The following ZNF608 variants were observed in gnomAD, a reference collection of about 807,000 sequenced individuals.
The protein encoded by ZNF608 is renal carcinoma antigen NY-REN-36.
ZNF608 carries 12 observed loss-of-function variants against 109.0 expected under a neutral mutation model. The ratio of observed to expected loss-of-function variants is 0.11; its 90% CI spans 0.07 to 0.18. The LOEUF (loss-of-function observed/expected upper bound fraction) is 0.18. Ranked by LOEUF, ZNF608 falls within the 10% of genes least tolerant of loss-of-function variation. ZNF608 has a pLI of 1.00. For synonymous variants in ZNF608, 732 were observed against 717.4 expected (o/e 1.02, Z -0.33); for missense variants, 1,707 against 1,879.3 (o/e 0.91, Z 1.70).
chr5:124,709,332 C>T (rs12514819), intron 2 of ZNF608, among the ~76,000 whole-genome samples: 27,323 of 152,040 alleles, frequency 0.18, 2,690 homozygotes, highest in Admixed American at 0.27. Context: ...GTGTAAAATA[C>T]GCTTTAAACA....
At chr5:124,694,803 G>A (rs1239590722) in intron 3 of ZNF608, among the ~76,000 whole-genome samples, 3 of 146,476 alleles carry the variant, frequency 2.0e-5, no homozygotes, top group Non-Finnish European at 4.4e-5. Flanking sequence ...TCCCACCTAT[G>A]AGTGAGAACA....
rs756575477 is a variant in ZNF608, at chr5:124,641,273, C to G, written c.4429G>C (p.Gly1477Arg). 7 of 1,613,544 alleles carry G rather than the reference C, an allele frequency of 4.3e-6. No individual in the cohort carries two copies. Among genetic ancestry groups the G allele is most frequent in the African/African-American group, 1.3e-5 (1 of 74,866 alleles). The stretch of plus-strand genomic sequence containing the variant: ...TGACCTTGAAAAGGGTCATATTGAC[C>G]CGGGATTAGCGGGTAACCCATGCCA... ...HVGMGYPLIP[G>R]QYDPFQGLTS... The change falls in exon 8 of 10, where the codon GGT (glycine) becomes CGT (arginine). Residue 1477 changes from glycine to arginine, a missense_variant. Around this residue, in one of 7 missense-constraint regions of ZNF608, gnomAD observed 1,073 missense variants for 1,133.5 expected, o/e 0.95. Coordinates refer to ENST00000513986, the MANE Select transcript of ZNF608 (RefSeq NM_020747.3).
intron 3 of ZNF608, among the ~76,000 whole-genome samples, chr5:124,678,661 T>C (rs1455456112): frequency 6.6e-6 from 1 of 152,160 alleles, no homozygotes; most frequent in East Asian, 1.9e-4. Context: ...TGTTAGTTGA[T>C]GTGTGTTTCC....
chr5:124,678,986 G>C (rs776398202), intron 3 of ZNF608, among the ~76,000 whole-genome samples: 5 of 152,158 alleles, frequency 3.3e-5, no homozygotes, highest in African/African-American at 1.2e-4. Flanking sequence ...ACATGAAGGA[G>C]CAAGAAAACA....
intron 2 of ZNF608, among the ~76,000 whole-genome samples, chr5:124,735,824 G>A (rs1267459768): frequency 6.6e-6 from 1 of 152,116 alleles, no homozygotes; most frequent in Non-Finnish European, 1.5e-5. Flanking sequence ...CCCTTTTGGG[G>A]GCAGAAACAA....
chr5:124,715,670 G>A (rs1426064377), intron 2 of ZNF608, among the ~76,000 whole-genome samples: 1 of 152,018 alleles, frequency 6.6e-6, no homozygotes, highest in Non-Finnish European at 1.5e-5. Flanking sequence ...ATACATGTAC[G>A]TATACTGCTT....
At chr5:124,701,902 T>C (rs892876934) in intron 2 of ZNF608, among the ~76,000 whole-genome samples, 3 of 152,248 alleles carry the variant, frequency 2.0e-5, no homozygotes, top group Non-Finnish European at 4.4e-5. Context: ...GATAAATGCA[T>C]GTGCCCAACA....
rs1752476128 is a variant in ZNF608 at position 124,688,197 on chromosome 5, CACTTGGGAGA to C, written c.1162+12807_1162+12816del. On this transcript the variant is annotated intron_variant, in intron 3 of 9. Coordinates refer to ENST00000513986, the MANE Select transcript of ZNF608 (RefSeq NM_020747.3). ...TTTAAAAGTATCTTTTAACTTCCTT[CACTTGGGAGA>C]AAAAGAGCTGTAAGAGTCATTCTAG... 3.9e-5 allele frequency among the ~76,000 whole-genome samples: 6 copies of C among 152,150 alleles called. No individual in the cohort carries two copies. In the South Asian group the frequency reaches 1.2e-3, roughly 32 times the overall value.
intron 6 of ZNF608, among the ~76,000 whole-genome samples, 191 bp downstream of exon 6, chr5:124,644,053 T>C (rs561395640): frequency 6.6e-6 from 1 of 152,226 alleles, no homozygotes; most frequent in Non-Finnish European, 1.5e-5. Context: ...ATGGAAACTA[T>C]GGCTGAGGAT....
intron 3 of ZNF608, among the ~76,000 whole-genome samples, chr5:124,679,433 C>T (rs13163583): frequency 1.0e-4 from 15 of 150,310 alleles, no homozygotes; most frequent in African/African-American, 3.7e-4. Flanking sequence ...CCCTCCCTCC[C>T]TCCTTCCTTC....
At chr5:124,662,945 T>C (rs1281869986) in intron 3 of ZNF608, among the ~76,000 whole-genome samples, 1 of 152,210 alleles carries the variant, frequency 6.6e-6, no homozygotes, top group Admixed American at 6.5e-5. Flanking sequence ...ACTTGGGGGT[T>C]GCCACCTGGA....
intron 3 of ZNF608, among the ~76,000 whole-genome samples, chr5:124,660,830 G>T (rs1751228060): frequency 6.6e-6 from 1 of 152,188 alleles, no homozygotes; most frequent in Non-Finnish European, 1.5e-5. Context: ...CAGGTCATAA[G>T]CTGAAGAATG....
At chr5:124,650,631 G>A (rs898909079) in intron 3 of ZNF608, among the ~76,000 whole-genome samples, 4 of 152,146 alleles carry the variant, frequency 2.6e-5, no homozygotes, top group Admixed American at 6.5e-5. Context: ...TTTCTGAGAG[G>A]ACAAATGCCA....
At chr5:124,697,224 CAAAAA>C (rs5871099) in intron 3 of ZNF608, among the ~76,000 whole-genome samples, 2 of 111,628 alleles carry the variant, frequency 1.8e-5, no homozygotes, top group Admixed American at 8.8e-5. Flanking sequence ...CAGGTAAGGC[CAAAAA>C]AAAAAAAAAA....
At chr5:124,713,776 A>G (rs1753590931) in intron 2 of ZNF608, among the ~76,000 whole-genome samples, 1 of 152,110 alleles carries the variant, frequency 6.6e-6, no homozygotes, top group African/African-American at 2.4e-5. Flanking sequence ...GTTGGTGGAG[A>G]GGGGGAGGGG....
chr5:124,745,102 C>G lies in ZNF608; in HGVS notation c.-113G>C, dbSNP rs754321099. The G allele has an allele frequency of 6.3e-5, 92 of 1,455,516 alleles. No individual in the cohort carries two copies. Among genetic ancestry groups the G allele is most frequent in the Non-Finnish European group, 8.0e-5 (89 of 1,113,246 alleles). 90.2% of individuals were successfully genotyped at this position (1,455,516 alleles called of 1,614,324 possible). A position where few individuals can be genotyped will look rare whatever the true frequency, so the allele number is the denominator to read the frequency against. On this transcript the variant is annotated 5_prime_UTR_variant, in exon 2 of 10. Transcript: ENST00000513986. ...TCAAAGAAAAAAAAAATCTTCTAAT[C>G]TTCCTCTTCTTTTTCCTGCCCCACG...
At chr5:124,639,771 CAG>C (rs758548372) in intron 8 of ZNF608, among the ~76,000 whole-genome samples, 38 of 152,278 alleles carry the variant, frequency 2.5e-4, no homozygotes, top group Non-Finnish European at 4.1e-4. Flanking sequence ...TGTTGCCTAA[CAG>C]AGAATTCTTT....
At chr5:124,651,513 G>A (rs1036493554) in intron 3 of ZNF608, among the ~76,000 whole-genome samples, 1 of 152,160 alleles carries the variant, frequency 6.6e-6, no homozygotes, top group Admixed American at 6.5e-5. Flanking sequence ...GATCCAATAG[G>A]CTGAATCACT....
chr5:124,646,447 C>T (rs527308915), intron 5 of ZNF608, among the ~76,000 whole-genome samples: 40 of 152,186 alleles, frequency 2.6e-4, no homozygotes, highest in Non-Finnish European at 5.0e-4. Flanking sequence ...ATCTGCAAAG[C>T]ACCCATCCAC....
Sources: gnomAD v4.1 joint callset for allele counts (sites outside exome capture counted in the v4.1 genomes callset) on GRCh38, gnomAD v4.1.1 for gene constraint, gnomAD v4.1.1 regional missense constraint, MANE v1.5 for transcripts, NCBI Gene and HGNC (gene_info 2026-07-23, HGNC 2026-07-21) for gene names.